MARVELD2: variants seen among roughly 807,000 people sequenced by gnomAD.
MARVELD2 encodes MARVEL domain containing 2.
A neutral mutation model predicts 57.6 loss-of-function variants in MARVELD2; 49 were observed. The ratio of observed to expected loss-of-function variants is 0.85; its 90% CI spans 0.68 to 1.08. MARVELD2 has a LOEUF of 1.08. MARVELD2 is among the 50% of genes least tolerant of loss of function. The pLI, the probability that MARVELD2 is intolerant of heterozygous loss-of-function variation, is 0.00. For synonymous variants in MARVELD2, 238 were observed against 258.8 expected, an observed-to-expected ratio of 0.92 and a Z score of 0.77; for missense variants, 606 against 701.1, an observed-to-expected ratio of 0.86 and a Z score of 1.53.
At position 69,419,515 on chromosome 5, in the gene MARVELD2, G is replaced by T. The variant is rs190826169; in HGVS notation, c.130G>T (p.Asp44Tyr). The stretch of plus-strand genomic sequence containing the variant: ...TGACAGTGAGCGGGCAGTGAGCGCT[G>T]ATCCCTTGCCACCACCCCCTCTCCC... ...LHDSERAVSADPLPPPPLPLQ... is the reference protein window; with the variant it reads ...LHDSERAVSAYPLPPPPLPLQ... The change falls in exon 2 of 7, where the codon GAT (aspartate) becomes TAT (tyrosine). Residue 44 changes from aspartate (D) to tyrosine (Y), a missense_variant. Physicochemically the swap from Asp to Tyr is radical, Grantham distance 160. Transcript: ENST00000325631. 3.1e-6 allele frequency: 5 copies of T among 1,614,152 alleles called. No individual in the cohort carries two copies. The highest frequency in any genetic ancestry group is 1.1e-5 in the South Asian group (1 of 91,080).
At position 69,419,800 on chromosome 5, in the gene MARVELD2, G is replaced by A; in HGVS notation, c.415G>A (p.Gly139Arg). 1 of 1,614,214 alleles carries A rather than the reference G, an allele frequency of 6.2e-7. No homozygotes were observed. Among genetic ancestry groups the A allele is most frequent in the Non-Finnish European group, 8.5e-7 (1 of 1,180,046 alleles). The change falls in exon 2 of 7, where the codon GGG becomes AGG. Residue 139 changes from glycine to arginine, a missense_variant. Coordinates refer to ENST00000325631, the MANE Select transcript of MARVELD2 (RefSeq NM_001038603.3). ...CAACTCCTGCAAAGATCCCTACGGA[G>A]GGTCAGAAGGAACCTTTAGTTCCCG... is the stretch of plus-strand genomic sequence containing the variant. ...PLNSCKDPYG[G>R]SEGTFSSRKE...
At chr5:69,432,813 G>A in intron 4 of MARVELD2, 109 bp from the exon 5 acceptor site, 2 of 1,532,178 alleles carry the variant, frequency 1.3e-6, no homozygotes, top group Non-Finnish European at 9.0e-7. Flanking sequence ...GAGAGGTAAT[G>A]TATTGAATTG....
chr5:69,441,583 C>G lies in MARVELD2; in HGVS notation c.1606C>G (p.Leu536Val), dbSNP rs1283020893. 2 of 1,602,484 alleles carry G rather than the reference C, an allele frequency of 1.2e-6. No individual in the cohort carries two copies. The highest frequency in any genetic ancestry group is 1.7e-5 in the Admixed American group (1 of 59,878). The change falls in exon 7 of 7, where the codon CTT becomes GTT. Residue 536 changes from leucine to valine, a missense_variant. Coordinates refer to ENST00000325631, the MANE Select transcript of MARVELD2 (RefSeq NM_001038603.3). ...KERCDYLKNK[L>V]SHIKQRIQEY... ...ACGCTGTGATTACCTAAAGAATAAA[C>G]TTTCTCACATAAAGCAAAGAATTCA...
At chr5:69,420,584 A>G (rs2150915565) in intron 2 of MARVELD2, 53 bp downstream of exon 2, 2 of 1,533,940 alleles carry the variant, frequency 1.3e-6, no homozygotes, top group East Asian at 2.2e-5. Flanking sequence ...TTTTTCTGTT[A>G]TTTGCTCCCT....
chr5:69,435,917 T>A (rs1053953577), intron 5 of MARVELD2, among the ~76,000 whole-genome samples: 1 of 152,146 alleles, frequency 6.6e-6, no homozygotes, highest in Non-Finnish European at 1.5e-5. Context: ...GGCTTCTTCA[T>A]TTTGCATAAT....
At chr5:69,432,867 C>A in intron 4 of MARVELD2, 55 bp from the exon 5 acceptor site, 1 of 1,591,144 alleles carries the variant, frequency 6.3e-7, no homozygotes, top group Admixed American at 1.7e-5. Context: ...GCTGATTTCC[C>A]ATTCAGCTTC....
rs1766862169 is a variant in MARVELD2 at position 69,428,359 on chromosome 5, C to T, written c.1182+3723C>T. Among the ~76,000 whole-genome samples the T allele has an allele frequency of 1.9e-5, 2 of 106,648 alleles. 1 individual carries two copies. Among genetic ancestry groups the T allele is most frequent in the Admixed American group, 2.0e-4 (2 of 9,780 alleles). 70.0% of individuals were successfully genotyped at this position (106,648 alleles called of 152,430 possible). A position where few individuals can be genotyped will look rare whatever the true frequency, so the allele number is the denominator to read the frequency against. On this transcript the variant is annotated intron_variant, in intron 3 of 6. Coordinates refer to ENST00000325631, the MANE Select transcript of MARVELD2 (RefSeq NM_001038603.3). The stretch of plus-strand genomic sequence containing the variant: ...TCTACTAAAAATACAAAAAATTAGC[C>T]GGGTGTGGTGGCGCAAGCCTGTAAT...
At chr5:69,437,988 A>T (rs961912698) in intron 5 of MARVELD2, among the ~76,000 whole-genome samples, 1 of 152,180 alleles carries the variant, frequency 6.6e-6, no homozygotes, top group Non-Finnish European at 1.5e-5. Flanking sequence ...CTAAAGTAGA[A>T]ATATTAACCA....
At chr5:69,435,202 C>G (rs955066566) in intron 5 of MARVELD2, among the ~76,000 whole-genome samples, 1 of 150,874 alleles carries the variant, frequency 6.6e-6, no homozygotes. Flanking sequence ...TTAGTAGAGG[C>G]AGGGTTTCCC....
chr5:69,437,405 C>A (rs1394449647), intron 5 of MARVELD2, among the ~76,000 whole-genome samples: 5 of 117,950 alleles, frequency 4.2e-5, no homozygotes, highest in South Asian at 2.9e-4. Context: ...AAAAAAAAAG[C>A]TGGGTGCGGT....
intron 6 of MARVELD2, 88 bp from the exon 7 acceptor site, chr5:69,441,444 A>G (rs1006483244): frequency 6.7e-7 from 1 of 1,491,938 alleles, no homozygotes; most frequent in Admixed American, 1.8e-5. Flanking sequence ...TTTGCTATGT[A>G]TGATCATTTC....
Position 69,442,486 on chromosome 5 carries a change from T to C in MARVELD2, c.*832T>C, listed in dbSNP as rs1029067197. ...GGGGCTAATAATAGTTCCTTCCTCA[T>C]AGAGTTGTTAGGATTAAAGGAGTTA... On this transcript the variant is annotated 3_prime_UTR_variant, in exon 7 of 7. Coordinates refer to ENST00000325631, the MANE Select transcript of MARVELD2 (RefSeq NM_001038603.3). 1 of 152,186 alleles carries C rather than the reference T, an allele frequency of 6.6e-6. No individual in the cohort carries two copies. Among genetic ancestry groups the C allele is most frequent in the Non-Finnish European group, 1.5e-5 (1 of 68,042 alleles). 9.4% of individuals were successfully genotyped at this position (152,186 alleles called of 1,614,324 possible).
At chr5:69,416,868 C>T (rs1766446562) in intron 1 of MARVELD2, among the ~76,000 whole-genome samples, 1 of 152,210 alleles carries the variant, frequency 6.6e-6, no homozygotes, top group South Asian at 2.1e-4. Flanking sequence ...ACTCTCAACA[C>T]AGCATCCATA....
At chr5:69,432,504 C>A (rs1766993801) in intron 3 of MARVELD2, 23 bp from the exon 4 acceptor site, 1 of 1,612,532 alleles carries the variant, frequency 6.2e-7, no homozygotes, top group African/African-American at 1.3e-5. Flanking sequence ...ATTAACAAAT[C>A]CTCTTTTTCT....
intron 3 of MARVELD2, among the ~76,000 whole-genome samples, chr5:69,427,745 G>A (rs375281233): frequency 3.3e-5 from 5 of 152,156 alleles, no homozygotes; most frequent in African/African-American, 1.2e-4. Context: ...TTCCCGTGCT[G>A]GAGCTTAATG....
intron 5 of MARVELD2, among the ~76,000 whole-genome samples, chr5:69,434,623 C>T (rs1008262119): frequency 1.3e-5 from 2 of 152,184 alleles, no homozygotes; most frequent in African/African-American, 2.4e-5. Flanking sequence ...CCGCACCCCC[C>T]ACATTTTTCA....
At chr5:69,420,653 C>A in intron 2 of MARVELD2, 122 bp downstream of exon 2, 1 of 988,604 alleles carries the variant, frequency 1.0e-6, no homozygotes, top group Non-Finnish European at 1.5e-6. Context: ...TTTCTTTCTT[C>A]CTTTTTTTTT....
At position 69,420,524 on chromosome 5, in the gene MARVELD2, A is replaced by G; in HGVS notation, c.1139A>G (p.Gln380Arg). The G allele has an allele frequency of 4.3e-6, 7 of 1,609,970 alleles. No homozygotes were observed. The highest frequency in any genetic ancestry group is 5.9e-6 in the Non-Finnish European group (7 of 1,179,976). ...CGGAGACATAGAGAATATATGGAAC[A>G]ACAGGAGGTAAGTGATTTCATAATC... ...AARRHREYME[Q>R]QEINEPSLSS... The change falls in exon 2 of 7, where the codon CAA (glutamine) becomes CGA (arginine). Residue 380 changes from glutamine to arginine, a missense_variant. Transcript: ENST00000325631.
At chr5:69,437,652 C>G (rs1271998604) in intron 5 of MARVELD2, among the ~76,000 whole-genome samples, 1 of 151,738 alleles carries the variant, frequency 6.6e-6, no homozygotes, top group Non-Finnish European at 1.5e-5. Context: ...CCATTGCACT[C>G]CAGCCTGGGT....
Sources: allele counts gnomAD v4.1 joint callset (sites outside exome capture counted in the v4.1 genomes callset), GRCh38; gene constraint gnomAD v4.1.1; transcripts MANE v1.5; gene names NCBI Gene and HGNC (gene_info 2026-07-23, HGNC 2026-07-21).